The following CDK6 variants were observed in gnomAD, a reference collection of about 807,000 sequenced individuals.
CDK6 encodes the protein cyclin dependent kinase 6.
Under a neutral mutation model 37.1 loss-of-function variants are expected in CDK6, and 6 were observed. The observed-to-expected ratio is 0.16, with a 90% CI of 0.09 to 0.32. CDK6 has a LOEUF of 0.32. Among genes scored for constraint, CDK6 ranks in the 10% least tolerant of loss-of-function variants. The pLI is 1.00. For synonymous variants in CDK6, 160 were observed against 161.3 expected, an observed-to-expected ratio of 0.99 and a Z score of 0.06; for missense variants, 224 against 418.9, an observed-to-expected ratio of 0.53 and a Z score of 4.06.
intron 5 of CDK6, among the ~76,000 whole-genome samples, chr7:92,652,273 C>T (rs1431507744): frequency 6.6e-6 from 1 of 152,144 alleles, no homozygotes; most frequent in African/African-American, 2.4e-5. Flanking sequence ...TCTCAATTCT[C>T]CTAAAGTGTC....
At chr7:92,764,745 A>C (rs907936937) in intron 3 of CDK6, among the ~76,000 whole-genome samples, 1 of 152,244 alleles carries the variant, frequency 6.6e-6, no homozygotes, top group Non-Finnish European at 1.5e-5. Flanking sequence ...GTGAAACCAC[A>C]TATTCATTCA....
chr7:92,697,472 A>G (rs1409881543), intron 4 of CDK6, among the ~76,000 whole-genome samples: 5 of 152,192 alleles, frequency 3.3e-5, no homozygotes, highest in Non-Finnish European at 7.3e-5. Flanking sequence ...TTTTTTACCC[A>G]TATTTTAGGT....
intron 3 of CDK6, among the ~76,000 whole-genome samples, chr7:92,756,530 G>C (rs1417242345): frequency 6.6e-6 from 1 of 152,210 alleles, no homozygotes; most frequent in Non-Finnish European, 1.5e-5. Context: ...AGGGAATTCA[G>C]TCAATGAACA....
intron 2 of CDK6, among the ~76,000 whole-genome samples, chr7:92,825,453 C>T (rs1210389820): frequency 6.7e-6 from 1 of 150,084 alleles, no homozygotes; most frequent in Non-Finnish European, 1.5e-5. Context: ...TCTGCATGCA[C>T]ATGCGTGCAC....
chr7:92,763,320 T>G (rs1409752298), intron 3 of CDK6, among the ~76,000 whole-genome samples: 1 of 152,238 alleles, frequency 6.6e-6, no homozygotes, highest in African/African-American at 2.4e-5. Flanking sequence ...TTTGGTTCCT[T>G]ACCAATAAAA....
intron 2 of CDK6, among the ~76,000 whole-genome samples, chr7:92,816,476 C>A (rs1356061176): frequency 6.6e-6 from 1 of 151,946 alleles, no homozygotes; most frequent in Non-Finnish European, 1.5e-5. Flanking sequence ...TCTCTGATCA[C>A]AACAGAATTA....
intron 2 of CDK6, among the ~76,000 whole-genome samples, chr7:92,779,668 C>G (rs1799937850): frequency 6.6e-6 from 1 of 152,138 alleles, no homozygotes; most frequent in African/African-American, 2.4e-5. Flanking sequence ...CCATCCACAT[C>G]CTACAGACCT....
chr7:92,702,079 T>C lies in CDK6; in HGVS notation c.537+23547A>G, dbSNP rs918335457. 1.3e-5 allele frequency among the ~76,000 whole-genome samples: 2 copies of C among 152,286 alleles called. 1 individual carries two copies. Among genetic ancestry groups the C allele is most frequent in the South Asian group, 4.1e-4 (2 of 4,830 alleles). ...CACATGTGATCACTGTTGGTGGTAG[T>C]GCTACAGGTTTTAGCCATAATCAAA... is the stretch of plus-strand genomic sequence containing the variant. On this transcript the variant is annotated intron_variant, in intron 4 of 7. Coordinates refer to ENST00000424848, the MANE Select transcript of CDK6 (RefSeq NM_001145306.2).
intron 4 of CDK6, among the ~76,000 whole-genome samples, chr7:92,721,614 T>C (rs1392467270): frequency 2.0e-5 from 3 of 152,158 alleles, no homozygotes; most frequent in East Asian, 3.9e-4. Context: ...GACACCAGAA[T>C]GTCATGTTGG....
rs1489158248 is a variant in CDK6, at chr7:92,615,093, A to G, written c.*47T>C. On this transcript the variant is annotated 3_prime_UTR_variant, in exon 8 of 8. Transcript: ENST00000424848. ...GCTTGCTGAGGGGGACCCATAAGCC[A>G]CCAAGGGTGTTCTCCGCAGGATCAG... 4 of 1,607,870 alleles carry G rather than the reference A, an allele frequency of 2.5e-6. No homozygotes were observed. The highest frequency in any genetic ancestry group is 3.4e-6 in the Non-Finnish European group (4 of 1,176,708).
At chr7:92,735,444 T>C (rs1798762731) in intron 3 of CDK6, among the ~76,000 whole-genome samples, 1 of 152,188 alleles carries the variant, frequency 6.6e-6, no homozygotes, top group African/African-American at 2.4e-5. Context: ...CCCCAGTGTC[T>C]ATGAAGTCCC....
At chr7:92,700,557 G>C (rs950496863) in intron 4 of CDK6, among the ~76,000 whole-genome samples, 1 of 152,228 alleles carries the variant, frequency 6.6e-6, no homozygotes, top group African/African-American at 2.4e-5. Context: ...ACCCAGAAGG[G>C]AATGACTGGA....
chr7:92,791,925 G>C (rs1208475657), intron 2 of CDK6, among the ~76,000 whole-genome samples: 1 of 152,116 alleles, frequency 6.6e-6, no homozygotes, highest in African/African-American at 2.4e-5. Context: ...GTGAAATTAT[G>C]AGAGTTTAGT....
At chr7:92,727,685 A>T (rs1470074589) in intron 3 of CDK6, among the ~76,000 whole-genome samples, 1 of 152,190 alleles carries the variant, frequency 6.6e-6, no homozygotes, top group Non-Finnish European at 1.5e-5. Context: ...GCAGTGATCT[A>T]GAATCATTTC....
In CDK6 at chr7:92,671,601, C is replaced by T. The variant is rs1402312377; in HGVS notation, c.538-66G>A. 7 of 865,422 alleles carry T rather than the reference C, an allele frequency of 8.1e-6. No homozygotes were observed. The Admixed American group carries it at 1.7e-4, about 20-fold the overall frequency. The allele number at this position is 865,422 out of a possible 1,614,324, so 53.6% of individuals were successfully genotyped here. On this transcript the variant is annotated intron_variant, in intron 4 of 7. Transcript: ENST00000424848. ...CTGTTGGCTTAGACTCCTGACTAAA[C>T]CTGGTGGTTTAATGACAAGATGTAG...
At chr7:92,730,767 T>A (rs1798626434) in intron 3 of CDK6, among the ~76,000 whole-genome samples, 1 of 152,220 alleles carries the variant, frequency 6.6e-6, no homozygotes, top group Non-Finnish European at 1.5e-5. Flanking sequence ...TGACATTTTG[T>A]TTATCTGGTG....
At chr7:92,662,357 G>T (rs569316430) in intron 5 of CDK6, among the ~76,000 whole-genome samples, 1 of 152,250 alleles carries the variant, frequency 6.6e-6, no homozygotes, top group African/African-American at 2.4e-5. Flanking sequence ...GTGGGGATGG[G>T]AAGAGAAGTG....
intron 7 of CDK6, among the ~76,000 whole-genome samples, chr7:92,616,686 T>C (rs1031972264): frequency 2.6e-5 from 4 of 151,966 alleles, no homozygotes; most frequent in African/African-American, 7.3e-5. Context: ...CTCCAGGACA[T>C]AGGAAAGAAG....
intron 2 of CDK6, among the ~76,000 whole-genome samples, chr7:92,793,730 T>C (rs1800337195): frequency 6.6e-6 from 1 of 152,072 alleles, no homozygotes; most frequent in Non-Finnish European, 1.5e-5. Flanking sequence ...TAAGCAATAT[T>C]AGAAAGAACA....
Sources: gnomAD v4.1 joint callset for allele counts (sites outside exome capture counted in the v4.1 genomes callset) on GRCh38, gnomAD v4.1.1 for gene constraint, MANE v1.5 for transcripts, NCBI Gene and HGNC (gene_info 2026-07-23, HGNC 2026-07-21) for gene names.